The following ARHGAP10 variants were observed in gnomAD, a reference collection of about 807,000 sequenced individuals.
ARHGAP10 encodes the protein Rho GTPase activating protein 10.
ARHGAP10 carries 87 observed loss-of-function variants against 108.6 expected under a neutral mutation model. The ratio of observed to expected loss-of-function variants is 0.80; its 90% CI spans 0.67 to 0.96. ARHGAP10 has a LOEUF of 0.96. Ranked by LOEUF, ARHGAP10 falls within the 40% of genes least tolerant of loss-of-function variation. The pLI is 0.00. For synonymous variants in ARHGAP10, 347 were observed against 341.1 expected (o/e 1.02, Z -0.19); for missense variants, 939 against 954.5 (o/e 0.98, Z 0.21).
intron 1 of ARHGAP10, among the ~76,000 whole-genome samples, chr4:147,754,124 G>A (rs538561843): frequency 4.6e-5 from 7 of 152,292 alleles, no homozygotes; most frequent in African/African-American, 1.7e-4. Flanking sequence ...TAGGCACTGA[G>A]TCAGTACCCA....
intron 13 of ARHGAP10, among the ~76,000 whole-genome samples, chr4:147,920,087 T>C (rs907655828): frequency 1.3e-5 from 2 of 151,748 alleles, no homozygotes; most frequent in Admixed American, 1.3e-4. Context: ...AGTGTCCTGC[T>C]TCATGGGGAG....
intron 1 of ARHGAP10, among the ~76,000 whole-genome samples, chr4:147,735,314 C>G (rs971456452): frequency 7.2e-5 from 11 of 152,172 alleles, no homozygotes; most frequent in Non-Finnish European, 1.5e-4. Context: ...TAGACACATA[C>G]CTGTGACAAG....
Position 148,046,921 on chromosome 4 carries a change from AC to A in ARHGAP10, c.1901del (p.Pro634LeufsTer14). On this transcript the variant is annotated frameshift_variant, in exon 20 of 23. Coordinates refer to ENST00000336498, the MANE Select transcript of ARHGAP10 (RefSeq NM_024605.4). LOFTEE classifies it high-confidence loss of function. ...CAATCCTTACCCTTCCAAGGAGGAC[AC>A]CCCTACCAGCAGTCTGGACTCACTT... The part of the protein sequence containing the change: ...GDNPYPSKED[T>X]PTSSLDSLSS... 6.2e-7 allele frequency: 1 copy of A among 1,613,978 alleles called. No homozygotes were observed. The highest frequency in any genetic ancestry group is 8.5e-7 in the Non-Finnish European group (1 of 1,179,958).
intron 5 of ARHGAP10, among the ~76,000 whole-genome samples, chr4:147,859,066 C>G (rs963795359): frequency 7.9e-5 from 12 of 152,148 alleles, no homozygotes; most frequent in Non-Finnish European, 1.2e-4. Flanking sequence ...CTGCACCCAA[C>G]CCAGCTGGGG....
intron 1 of ARHGAP10, among the ~76,000 whole-genome samples, chr4:147,743,355 A>G (rs561396414): frequency 1.3e-3 from 197 of 152,228 alleles, no homozygotes; most frequent in African/African-American, 4.0e-3. Context: ...TATTTTGTGA[A>G]ATGCGAATCA....
chr4:147,756,737 G>A (rs977106544), intron 1 of ARHGAP10, among the ~76,000 whole-genome samples: 10 of 152,078 alleles, frequency 6.6e-5, no homozygotes, highest in Non-Finnish European at 7.4e-5. Flanking sequence ...TGGGGATCTT[G>A]GAATATATCC....
intron 7 of ARHGAP10, among the ~76,000 whole-genome samples, chr4:147,873,460 T>G (rs1472225233): frequency 6.6e-6 from 1 of 151,546 alleles, no homozygotes; most frequent in Non-Finnish European, 1.5e-5. Context: ...AAATGAGGGT[T>G]GATGAGGGTT....
intron 19 of ARHGAP10, among the ~76,000 whole-genome samples, chr4:148,041,430 A>T (rs1343039402): frequency 6.6e-6 from 1 of 152,268 alleles, no homozygotes; most frequent in Non-Finnish European, 1.5e-5. Flanking sequence ...CCAAAGCTTT[A>T]TTCCTTCCAA....
At chr4:147,783,239 A>G (rs1360178671) in intron 1 of ARHGAP10, among the ~76,000 whole-genome samples, 5 of 143,986 alleles carry the variant, frequency 3.5e-5, no homozygotes, top group South Asian at 4.5e-4. Flanking sequence ...AATTTATATA[A>G]CACACATTAA....
intron 14 of ARHGAP10, among the ~76,000 whole-genome samples, chr4:147,943,520 T>C (rs1738244516): frequency 6.6e-6 from 1 of 152,320 alleles, no homozygotes; most frequent in African/African-American, 2.4e-5. Context: ...TGCATAAAAT[T>C]GCACTTTGCA....
At position 147,990,795 on chromosome 4, in the gene ARHGAP10, G is replaced by A. The variant is rs995533870; in HGVS notation, c.1716+23956G>A. The stretch of plus-strand genomic sequence containing the variant: ...TGAGGGACGAGGGAGGTCGGAGCAC[G>A]AGGATCACAAAACTGCCTATTAGAC... On this transcript the variant is annotated intron_variant, in intron 18 of 22. Coordinates refer to ENST00000336498, the MANE Select transcript of ARHGAP10 (RefSeq NM_024605.4). Among the ~76,000 whole-genome samples, 3 of 152,096 alleles carry A rather than the reference G, an allele frequency of 2.0e-5. No homozygotes were observed. The East Asian group carries it at 5.8e-4, about 29-fold the overall frequency.
At chr4:147,917,806 T>G (rs1343842867) in intron 13 of ARHGAP10, among the ~76,000 whole-genome samples, 4 of 151,910 alleles carry the variant, frequency 2.6e-5, no homozygotes, top group African/African-American at 7.3e-5. Flanking sequence ...AAATAAAATC[T>G]CATTTTGATT....
chr4:147,766,562 G>C (rs2126712251), intron 1 of ARHGAP10, among the ~76,000 whole-genome samples: 2 of 149,142 alleles, frequency 1.3e-5, no homozygotes, highest in East Asian at 4.1e-4. Context: ...GTGGGTGTGT[G>C]TGGGTGTGTG....
chr4:147,751,976 C>G (rs890933794), intron 1 of ARHGAP10, among the ~76,000 whole-genome samples: 3 of 151,120 alleles, frequency 2.0e-5, no homozygotes, highest in African/African-American at 7.3e-5. Context: ...ACCTCTGACT[C>G]CCAGGTTCAA....
chr4:147,815,270 T>C (rs80074790), intron 1 of ARHGAP10, among the ~76,000 whole-genome samples: 3,552 of 152,296 alleles, frequency 0.023, 150 homozygotes, highest in African/African-American at 0.082. Context: ...CTGTGTCCTC[T>C]TCTGTTGTAG....
intron 19 of ARHGAP10, among the ~76,000 whole-genome samples, chr4:148,026,476 A>T (rs893456626): frequency 3.9e-5 from 6 of 152,210 alleles, no homozygotes; most frequent in African/African-American, 1.4e-4. Context: ...TACTTTAGTA[A>T]AGACTTCCAT....
intron 3 of ARHGAP10, among the ~76,000 whole-genome samples, chr4:147,828,037 T>C (rs1732792297): frequency 6.6e-6 from 1 of 152,174 alleles, no homozygotes; most frequent in African/African-American, 2.4e-5. Context: ...TTTCTTGACC[T>C]TGTGATCTGC....
chr4:148,014,848 C>T (rs528582631), intron 18 of ARHGAP10, among the ~76,000 whole-genome samples: 1 of 152,142 alleles, frequency 6.6e-6, no homozygotes, highest in Non-Finnish European at 1.5e-5. Context: ...AAAAATGTTT[C>T]CTGAAATAAA....
intron 1 of ARHGAP10, among the ~76,000 whole-genome samples, chr4:147,743,327 A>G (rs1224897217): frequency 6.6e-6 from 1 of 152,088 alleles, no homozygotes; most frequent in Non-Finnish European, 1.5e-5. Flanking sequence ...CACCGCGCCC[A>G]GCCGATAGTT....
Sources: allele counts gnomAD v4.1 joint callset (sites outside exome capture counted in the v4.1 genomes callset), GRCh38; gene constraint gnomAD v4.1.1; transcripts MANE v1.5; gene names NCBI Gene and HGNC (gene_info 2026-07-23, HGNC 2026-07-21).